Variants in ADHFE1 observed in about 807,000 individuals in gnomAD.
ADHFE1 encodes hydroxyacid-oxoacid transhydrogenase, mitochondrial.
Under a neutral mutation model 54.8 loss-of-function variants are expected in ADHFE1, and 37 were observed. The observed-to-expected ratio is 0.68, with a 90% CI of 0.52 to 0.89. The LOEUF (loss-of-function observed/expected upper bound fraction) is 0.89, where lower values mean the gene tolerates loss of function less well. ADHFE1 is among the 40% of genes least tolerant of loss of function. ADHFE1 has a pLI of 0.00. For missense variants in ADHFE1, 601 were observed against 591.2 expected, an observed-to-expected ratio of 1.02 and a Z score of -0.17; for synonymous variants, 203 against 229.3, an observed-to-expected ratio of 0.89 and a Z score of 1.04.
chr8:66,466,003 AC>A (rs1293974470), intron 13 of ADHFE1, among the ~76,000 whole-genome samples: 2 of 150,828 alleles, frequency 1.3e-5, no homozygotes, highest in African/African-American at 4.8e-5. Flanking sequence ...CCTTTGATGC[AC>A]AAAAGTTTTA....
intron 8 of ADHFE1, 31 bp from the exon 9 acceptor site, chr8:66,451,922 C>T: frequency 6.2e-7 from 1 of 1,608,840 alleles, no homozygotes; most frequent in Non-Finnish European, 8.5e-7. Context: ...ATGACGCTTT[C>T]CATCTGTGTA....
At chr8:66,457,585 G>T (rs1806655879) in intron 12 of ADHFE1, among the ~76,000 whole-genome samples, 1 of 152,056 alleles carries the variant, frequency 6.6e-6, no homozygotes. Context: ...AACACTTTGG[G>T]AGGCTGAGGT....
At chr8:66,436,645 C>T (rs1276781987) in intron 1 of ADHFE1, among the ~76,000 whole-genome samples, 1 of 152,092 alleles carries the variant, frequency 6.6e-6, no homozygotes, top group African/African-American at 2.4e-5. Flanking sequence ...GCAGGTGAAC[C>T]TGGACTTCGG....
chr8:66,468,149 T>C, intron 13 of ADHFE1, 120 bp from the exon 14 acceptor site: 1 of 677,570 alleles, frequency 1.5e-6, no homozygotes, highest in South Asian at 1.9e-5. Flanking sequence ...ATACCGTTTT[T>C]AAAGATATGG....
At chr8:66,458,057 C>T (rs995368150) in intron 12 of ADHFE1, among the ~76,000 whole-genome samples, 13 of 152,212 alleles carry the variant, frequency 8.5e-5, no homozygotes, top group Admixed American at 8.5e-4. Flanking sequence ...ATCCACAGTA[C>T]CTTTTGAATC....
In ADHFE1 at chr8:66,468,379, G is replaced by A. The variant is rs200203234; in HGVS notation, c.*27G>A. The A allele has an allele frequency of 3.8e-5, 61 of 1,587,656 alleles. No individual in the cohort carries two copies. In the East Asian group the frequency reaches 5.0e-4, roughly 13 times the overall value. On this transcript the variant is annotated 3_prime_UTR_variant, in exon 14 of 14. Transcript: ENST00000396623. ...TGTCATTTTAACTGAAAGAATTACC[G>A]CTGGCCATTGTAGTGCTGAGAGCAA...
chr8:66,468,144 GT>G (rs1807300204), intron 13 of ADHFE1, 124 bp from the exon 14 acceptor site: 1 of 647,472 alleles, frequency 1.5e-6, no homozygotes, highest in Non-Finnish European at 2.6e-6. Flanking sequence ...AAGAAATACC[GT>G]TTTTAAAGAT....
chr8:66,458,783 A>G (rs1378811204), intron 12 of ADHFE1, among the ~76,000 whole-genome samples: 4 of 152,232 alleles, frequency 2.6e-5, no homozygotes, highest in Non-Finnish European at 5.9e-5. Flanking sequence ...TTAGCTTAGA[A>G]TACTGATGTA....
At chr8:66,441,102 C>G (rs928074470) in intron 2 of ADHFE1, among the ~76,000 whole-genome samples, 1 of 152,150 alleles carries the variant, frequency 6.6e-6, no homozygotes, top group Non-Finnish European at 1.5e-5. Context: ...CTGATTTTCT[C>G]GAATTCTTAG....
At chr8:66,437,913 G>C (rs1274244919) in intron 1 of ADHFE1, among the ~76,000 whole-genome samples, 1 of 152,208 alleles carries the variant, frequency 6.6e-6, no homozygotes, top group Non-Finnish European at 1.5e-5. Context: ...TCCAGAAGAA[G>C]AGGCAAGGAA....
chr8:66,437,685 A>C (rs1429094267), intron 1 of ADHFE1, among the ~76,000 whole-genome samples: 1 of 152,188 alleles, frequency 6.6e-6, no homozygotes. Flanking sequence ...TATGCCTGGC[A>C]CTTACTTGGT....
At chr8:66,465,987 C>G (rs1216136736) in intron 13 of ADHFE1, among the ~76,000 whole-genome samples, 3 of 151,426 alleles carry the variant, frequency 2.0e-5, no homozygotes, top group African/African-American at 7.3e-5. Context: ...ACTCTCTTGA[C>G]CATGTCCTTT....
At chr8:66,454,004 C>A in intron 9 of ADHFE1, 55 bp from the exon 10 acceptor site, 1 of 1,595,456 alleles carries the variant, frequency 6.3e-7, no homozygotes, top group Non-Finnish European at 8.5e-7. Flanking sequence ...GCTCCTTATT[C>A]TGTAGGAATT....
intron 10 of ADHFE1, 107 bp from the exon 11 acceptor site, chr8:66,456,710 G>T: frequency 1.3e-6 from 1 of 751,830 alleles, no homozygotes. Context: ...TTCAGGTAAT[G>T]ATACTGTCTA....
At chr8:66,459,432 T>TATATATATATATATATA (rs200118083) in intron 12 of ADHFE1, 3 of 81,708 alleles carry the variant, frequency 3.7e-5, no homozygotes, top group Admixed American at 1.3e-4. Flanking sequence ...ATATATATAT[T>TATATATATATATATATA]TTTTTTTTTT....
intron 2 of ADHFE1, among the ~76,000 whole-genome samples, chr8:66,442,303 T>G (rs977339050): frequency 1.2e-4 from 18 of 151,696 alleles, no homozygotes; most frequent in African/African-American, 4.3e-4. Context: ...TAGCATTACA[T>G]TCTATCTTTT....
intron 6 of ADHFE1, among the ~76,000 whole-genome samples, chr8:66,446,852 G>A (rs1806062070): frequency 6.6e-6 from 1 of 152,082 alleles, no homozygotes; most frequent in African/African-American, 2.4e-5. Context: ...CAGACATTAT[G>A]CATATTAAAC....
At chr8:66,459,128 G>T (rs1806749143) in intron 12 of ADHFE1, among the ~76,000 whole-genome samples, 1 of 152,184 alleles carries the variant, frequency 6.6e-6, no homozygotes, top group Non-Finnish European at 1.5e-5. Context: ...GGTGAAAGTA[G>T]TCACGATCTC....
At chr8:66,454,878 T>A (rs1345489407) in intron 10 of ADHFE1, among the ~76,000 whole-genome samples, 1 of 151,998 alleles carries the variant, frequency 6.6e-6, no homozygotes, top group Non-Finnish European at 1.5e-5. Context: ...CATGCCCAGC[T>A]AATTTTTTTA....
Sources: gnomAD v4.1 joint callset for allele counts (sites outside exome capture counted in the v4.1 genomes callset) on GRCh38, gnomAD v4.1.1 for gene constraint, MANE v1.5 for transcripts, NCBI Gene and HGNC (gene_info 2026-07-23, HGNC 2026-07-21) for gene names.